PLCE1: variants seen among roughly 807,000 people sequenced by gnomAD.
PLCE1 encodes the protein phospholipase C epsilon 1.
Under a neutral mutation model 242.8 loss-of-function variants are expected in PLCE1, and 119 were observed. The ratio of observed to expected loss-of-function variants is 0.49; its 90% CI spans 0.42 to 0.57. The LOEUF (loss-of-function observed/expected upper bound fraction) is 0.57. Among genes scored for constraint, PLCE1 ranks in the 20% least tolerant of loss-of-function variants. The probability of loss-of-function intolerance (pLI) is 0.00; values close to 1 mark genes in which losing one functional copy is unlikely to be tolerated. For missense variants in PLCE1, 2,441 were observed against 2,788.8 expected (o/e 0.88, Z 2.81); for synonymous variants, 945 against 1,017.4 (o/e 0.93, Z 1.35).
chr10:94,119,562 C>T (rs1564705958), intron 2 of PLCE1, among the ~76,000 whole-genome samples: 1 of 152,096 alleles, frequency 6.6e-6, no homozygotes, highest in South Asian at 2.1e-4. Flanking sequence ...GAACATTTCC[C>T]CCTTTCTTAC....
At position 94,096,598 on chromosome 10, in the gene PLCE1, A is replaced by T. The variant is rs149918912; in HGVS notation, c.1207-35576A>T. ...ATTACCTCCCACCAGGTCCCTCCCA[A>T]GACATGTGGGGATTATAGAAATTAA... On this transcript the variant is annotated intron_variant, in intron 2 of 32. Coordinates refer to ENST00000371380, the MANE Select transcript of PLCE1 (RefSeq NM_016341.4). The T allele has an allele frequency of 1.6e-4, 24 of 152,138 alleles. 1 individual carries two copies. Among genetic ancestry groups the T allele is most frequent in the African/African-American group, 5.8e-4 (24 of 41,402 alleles). The allele number at this position is 152,138 out of a possible 1,614,324, so 9.4% of individuals were successfully genotyped here. A position where few individuals can be genotyped will look rare whatever the true frequency, so the allele number is the denominator to read the frequency against.
At chr10:94,321,760 G>C (rs994457174) in intron 29 of PLCE1, 141 bp from the exon 30 acceptor site, 2 of 653,436 alleles carry the variant, frequency 3.1e-6, no homozygotes, top group African/African-American at 3.6e-5. Flanking sequence ...AACAGTTTAT[G>C]AAATAATAAC....
intron 3 of PLCE1, among the ~76,000 whole-genome samples, chr10:94,161,019 A>G (rs577580846): frequency 6.6e-6 from 1 of 152,224 alleles, no homozygotes; most frequent in South Asian, 2.1e-4. Flanking sequence ...GCCTTGTAGT[A>G]TAGTTTGAAG....
At position 94,325,120 on chromosome 10, in the gene PLCE1, G is replaced by A; in HGVS notation, c.*24+16G>A. ...TTTAACCCAGGTATAGTAAGTCATT[G>A]CACCATCCTGGAACAGGGCTTAACT... On this transcript the variant is annotated intron_variant, in intron 32 of 32. Coordinates refer to ENST00000371380, the MANE Select transcript of PLCE1 (RefSeq NM_016341.4). The A allele has an allele frequency of 6.5e-7, 1 of 1,543,932 alleles. No homozygotes were observed. The highest frequency in any genetic ancestry group is 9.0e-7 in the Non-Finnish European group (1 of 1,116,344).
At chr10:94,273,282 T>C (rs2051818462) in intron 18 of PLCE1, among the ~76,000 whole-genome samples, 1 of 152,220 alleles carries the variant, frequency 6.6e-6, no homozygotes, top group Non-Finnish European at 1.5e-5. Flanking sequence ...TCTTATTTAA[T>C]ACATCAGACC....
intron 4 of PLCE1, among the ~76,000 whole-genome samples, chr10:94,198,725 C>T (rs141820324): frequency 6.6e-6 from 1 of 152,296 alleles, no homozygotes; most frequent in East Asian, 1.9e-4. Flanking sequence ...TCTTTTGAGC[C>T]TGGCTTTCTT....
At chr10:94,138,842 A>C (rs181293792) in intron 3 of PLCE1, 44 of 188,688 alleles carry the variant, frequency 2.3e-4, no homozygotes, top group Non-Finnish European at 2.2e-5. Context: ...GAAAAGATCA[A>C]ACAGCAACTG....
In PLCE1 at chr10:93,994,054, GCCCGGGCTCTACCT is replaced by G. The variant is rs200055104; in HGVS notation, c.-558_-545del. On this transcript the variant is annotated 5_prime_UTR_variant, in exon 1 of 33. Coordinates refer to ENST00000371380, the MANE Select transcript of PLCE1 (RefSeq NM_016341.4). The stretch of plus-strand genomic sequence containing the variant: ...GCGGCGGGAGGGGCAGCGGCGGCGC[GCCCGGGCTCTACCT>G]CCCGGGCTCTGCCTCCCGGGCTCTG... 0.25 allele frequency among the ~76,000 whole-genome samples: 38,006 copies of G among 151,062 alleles called. 4,856 individuals carry two copies. Among genetic ancestry groups the G allele is most frequent in the Non-Finnish European group, 0.28 (19,155 of 67,398 alleles).
At chr10:94,260,794 G>T (rs1191091572) in intron 13 of PLCE1, among the ~76,000 whole-genome samples, 4 of 152,054 alleles carry the variant, frequency 2.6e-5, no homozygotes, top group South Asian at 2.1e-4. Context: ...TTCCCAAAGT[G>T]CAGGGATCTT....
At chr10:94,211,138 G>A (rs984233666) in intron 4 of PLCE1, among the ~76,000 whole-genome samples, 2 of 152,178 alleles carry the variant, frequency 1.3e-5, no homozygotes, top group Admixed American at 6.5e-5. Flanking sequence ...TCTCCCTTTT[G>A]TTCCTTGGCT....
At chr10:94,195,159 G>T (rs899740967) in intron 4 of PLCE1, among the ~76,000 whole-genome samples, 2 of 152,146 alleles carry the variant, frequency 1.3e-5, no homozygotes, top group African/African-American at 4.8e-5. Flanking sequence ...AAATAGATTT[G>T]CTAGCATGAA....
At position 94,057,508 on chromosome 10, in the gene PLCE1, G is replaced by A. The variant is rs188257761; in HGVS notation, c.1206+25256G>A. On this transcript the variant is annotated intron_variant, in intron 2 of 32. Coordinates refer to ENST00000371380, the MANE Select transcript of PLCE1 (RefSeq NM_016341.4). ...ATGCATGTCTATTTCTTTAGTGTAA[G>A]TATGTAGAGGTAGAGTTATGGGGCC... Among the ~76,000 whole-genome samples the A allele has an allele frequency of 6.9e-3, 1,057 of 152,234 alleles. 6 individuals are homozygous for A. Among genetic ancestry groups the A allele is most frequent in the Non-Finnish European group, 0.012 (808 of 68,008 alleles).
rs1283518946 is a variant in PLCE1, at chr10:93,994,103, C to T, written c.-520C>T. 6.6e-6 allele frequency among the ~76,000 whole-genome samples: 1 copy of T among 152,016 alleles called. No individual in the cohort carries two copies. The highest frequency in any genetic ancestry group is 1.5e-5 in the Non-Finnish European group (1 of 67,970). ...TGCCTCCCGGGCTCTGCCTCTCGGG[C>T]ACTTGCCTGGCTCCTGCGCGTTCCT... is the stretch of plus-strand genomic sequence containing the variant. On this transcript the variant is annotated 5_prime_UTR_variant, in exon 1 of 33. Transcript: ENST00000371380.
intron 3 of PLCE1, among the ~76,000 whole-genome samples, chr10:94,150,413 G>C (rs1267817103): frequency 6.6e-6 from 1 of 152,170 alleles, no homozygotes; most frequent in African/African-American, 2.4e-5. Flanking sequence ...ATAAGCCCAA[G>C]GCCCTGTGGT....
chr10:94,198,915 G>A (rs781516738), intron 4 of PLCE1, among the ~76,000 whole-genome samples: 2 of 152,284 alleles, frequency 1.3e-5, no homozygotes, highest in Non-Finnish European at 2.9e-5. Flanking sequence ...ATCTGGGCAT[G>A]GTGGCACGCA....
chr10:94,039,382 C>CTT (rs528351330), intron 2 of PLCE1, among the ~76,000 whole-genome samples: 4 of 145,594 alleles, frequency 2.7e-5, no homozygotes. Context: ...TTCTCCATAT[C>CTT]TTTTTTTTTT....
chr10:94,329,794 A>AAAAC lies in PLCE1; in HGVS notation c.*1854_*1855insCAAA, dbSNP rs1480479353. On this transcript the variant is annotated 3_prime_UTR_variant, in exon 33 of 33. Coordinates refer to ENST00000371380, the MANE Select transcript of PLCE1 (RefSeq NM_016341.4). The stretch of plus-strand genomic sequence containing the variant: ...TCCGTCTCAAAAAAAAAAAAAAAAA[A>AAAAC]AAAAAAAAAAAAAAAAACACCATAC... The AAAAC allele has an allele frequency of 1.2e-4, 18 of 150,008 alleles. No individual in the cohort carries two copies. The highest frequency in any genetic ancestry group is 2.7e-4 in the Non-Finnish European group (18 of 67,720). The allele number at this position is 150,008 out of a possible 1,614,324, so 9.3% of individuals were successfully genotyped here.
chr10:94,006,968 T>C (rs971439795), intron 1 of PLCE1, among the ~76,000 whole-genome samples: 3 of 152,184 alleles, frequency 2.0e-5, no homozygotes, highest in Non-Finnish European at 4.4e-5. Context: ...GTGGTGTCAG[T>C]GGCAATACAG....
At chr10:94,250,532 T>C (rs1216474579) in intron 8 of PLCE1, among the ~76,000 whole-genome samples, 1 of 152,078 alleles carries the variant, frequency 6.6e-6, no homozygotes, top group African/African-American at 2.4e-5. Flanking sequence ...AAGTATATCC[T>C]TCATCCATCC....
Sources: gnomAD v4.1 joint callset for allele counts (sites outside exome capture counted in the v4.1 genomes callset) on GRCh38, gnomAD v4.1.1 for gene constraint, MANE v1.5 for transcripts, NCBI Gene and HGNC (gene_info 2026-07-23, HGNC 2026-07-21) for gene names.